TNXB: variants seen among roughly 807,000 people sequenced by gnomAD.
TNXB encodes tenascin XB.
A neutral mutation model predicts 340.5 loss-of-function variants in TNXB; 183 were observed. The observed-to-expected ratio is 0.54, with a 90% CI of 0.48 to 0.61. The LOEUF is 0.61. Among genes scored for constraint, TNXB ranks in the 20% least tolerant of loss-of-function variants. The pLI is 0.00. For synonymous variants in TNXB, 2,121 were observed against 2,314.5 expected, an observed-to-expected ratio of 0.92 and a Z score of 2.40; for missense variants, 4,613 against 5,446.4, an observed-to-expected ratio of 0.85 and a Z score of 4.82.
Position 32,096,557 on chromosome 6 carries a change from C to A in TNXB, c.1296G>T (p.Ser432=). 6.5e-7 allele frequency: 1 copy of A among 1,527,902 alleles called. No homozygotes were observed. The highest frequency in any genetic ancestry group is 8.7e-7 in the Non-Finnish European group (1 of 1,145,422). The allele number at this position is 1,527,902 out of a possible 1,614,324, so 94.6% of individuals were successfully genotyped here. A position where few individuals can be genotyped will look rare whatever the true frequency, so the allele number is the denominator to read the frequency against. The change falls in exon 3 of 44, where the codon TCG becomes TCT. Residue 432 remains serine, a synonymous_variant. Coordinates refer to ENST00000644971, the MANE Select transcript of TNXB (RefSeq NM_001365276.2). ...CTCTACAGTCGCGTGGGCAGGCGCG[C>A]GAGCCGCAATCGGTTCCAGTGTACC... ...WPGYTGTDCG[S]RACPRDCRGR... is the part of the protein sequence containing the mutation.
intron 6 of TNXB, among the ~76,000 whole-genome samples, chr6:32,088,281 C>T (rs990190262): frequency 1.3e-5 from 2 of 152,160 alleles, no homozygotes; most frequent in African/African-American, 4.8e-5. Flanking sequence ...TGAGCTACAG[C>T]GAGGTGGGTG....
rs1444309315 is a variant in TNXB, at chr6:32,067,657, T to G, written c.6544+4A>C. On this transcript the variant is annotated splice_donor_region_variant and intron_variant, in intron 18 of 43. Transcript: ENST00000644971. The surrounding 1 kb of genome is among the most constrained non-coding windows in gnomAD (Gnocchi z 4.2). ...ACCCAGAGGGCTCTGCAGTGCACAC[T>G]CACCCGTGACGCCCACAGCAGACAC... 6.2e-7 allele frequency: 1 copy of G among 1,612,356 alleles called. No individual in the cohort carries two copies. The highest frequency in any genetic ancestry group is 2.2e-5 in the East Asian group (1 of 44,838).
At position 32,042,154 on chromosome 6, in the gene TNXB, G is replaced by C. The variant is rs1776460820; in HGVS notation, c.12327C>G (p.Ser4109Arg). 4 of 665,712 alleles carry C rather than the reference G, an allele frequency of 6.0e-6. No homozygotes were observed. The highest frequency in any genetic ancestry group is 1.0e-5 in the Non-Finnish European group (4 of 391,622). 41.2% of individuals were successfully genotyped at this position (665,712 alleles called of 1,614,324 possible). Residue 4109 changes from serine to arginine, a missense_variant, in exon 42 of 44, where the codon AGC becomes AGG. Physicochemically the swap from Ser to Arg is moderately radical, Grantham distance 110. Coordinates refer to ENST00000644971, the MANE Select transcript of TNXB (RefSeq NM_001365276.2). The part of the protein sequence containing the change: ...EFWLGNEALH[S>R]LTQAGDYSMR... ...TGGAGTAGTCACCTGCCTGTGTCAG[G>C]CTGTGCAGGGCCTCATTGCCTGGGG...
chr6:32,073,184 G>A lies in TNXB; in HGVS notation c.4681+463C>T, dbSNP rs2151920420. On this transcript the variant is annotated intron_variant, in intron 12 of 43. Coordinates refer to ENST00000644971, the MANE Select transcript of TNXB (RefSeq NM_001365276.2). The surrounding 1 kb of genome is among the most constrained non-coding windows in gnomAD (Gnocchi z 4.6). ...CCTGGAGAGATGAAAACTCTCCAGG[G>A]CTGGGATGGAATGCAGTGCAGGCAG... Among the ~76,000 whole-genome samples, 1 of 152,226 alleles carries A rather than the reference G, an allele frequency of 6.6e-6. No individual in the cohort carries two copies. Among genetic ancestry groups the A allele is most frequent in the Non-Finnish European group, 1.5e-5 (1 of 68,010 alleles).
chr6:32,065,617 T>G (rs1778294071), intron 18 of TNXB, among the ~76,000 whole-genome samples: 2 of 152,044 alleles, frequency 1.3e-5, no homozygotes, highest in South Asian at 4.1e-4. Flanking sequence ...TGGAATTTTA[T>G]TATTTATTTA....
Position 32,095,969 on chromosome 6 carries a change from C to A in TNXB, c.1884G>T (p.Arg628Ser), listed in dbSNP as rs1780316560. Reference sequence around the variant, plus strand: ...GGCAGCGCCCTTCCTCACAGCGGCCCCTCCCGTGGCAGTTGGAGGGGCAGG... The same window carrying A: ...GGCAGCGCCCTTCCTCACAGCGGCCACTCCCGTGGCAGTTGGAGGGGCAGG... ...IRTCPSNCHG[R>S]GRCEEGRCLC... is the part of the protein sequence containing the mutation. Residue 628 changes from arginine to serine, a missense_variant, in exon 3 of 44, where the codon AGG becomes AGT. Transcript: ENST00000644971. The A allele has an allele frequency of 1.2e-5, 20 of 1,613,150 alleles. No individual in the cohort carries two copies. Among genetic ancestry groups the A allele is most frequent in the Non-Finnish European group, 1.7e-5 (20 of 1,179,774 alleles).
chr6:32,073,729 C>T lies in TNXB; in HGVS notation c.4599G>A (p.Glu1533=), dbSNP rs1778909449. The T allele has an allele frequency of 3.1e-6, 5 of 1,612,232 alleles. 1 individual carries two copies. The East Asian group carries it at 6.7e-5, about 22-fold the overall frequency. Residue 1533 remains glutamate, a synonymous_variant, in exon 12 of 44, where the codon GAG becomes GAA. Transcript: ENST00000644971. The surrounding 1 kb of genome is among the most constrained non-coding windows in gnomAD (Gnocchi z 4.6). ...DQREVTVYNL[E]PERKYKMNMY... is the part of the protein sequence containing the mutation. The stretch of plus-strand genomic sequence containing the variant: ...TGTTCATCTTATATTTTCTCTCAGG[C>T]TCCAGGTTGTAGACTGTGACCTCTC...
rs1562802791 is a variant in TNXB, at chr6:32,055,956, C to T, written c.8362G>A (p.Glu2788Lys). 7 of 1,613,512 alleles carry T rather than the reference C, an allele frequency of 4.3e-6. No individual in the cohort carries two copies. The highest frequency in any genetic ancestry group is 4.2e-6 in the Non-Finnish European group (5 of 1,179,878). ...QVMRVRGEES[E>K]VTVGGLEPGR... Reference sequence around the variant, plus strand: ...GGCTCCAGGCCCCCCACGGTGACCTCGCTCTCCTCGCCCCTGACACGCATC... The same window carrying T: ...GGCTCCAGGCCCCCCACGGTGACCTTGCTCTCCTCGCCCCTGACACGCATC... The change falls in exon 24 of 44, where the codon GAG becomes AAG. Residue 2788 changes from glutamate (E) to lysine (K), a missense_variant. Coordinates refer to ENST00000644971, the MANE Select transcript of TNXB (RefSeq NM_001365276.2).
rs918138521 is a variant in TNXB at position 32,058,974 on chromosome 6, C to T, written c.7493-584G>A. ...GCAACTTTAAAACACGCTCTGCATG[C>T]AAAATACAGGAAGGGAATGTGCACT... On this transcript the variant is annotated intron_variant, in intron 21 of 43. Coordinates refer to ENST00000644971, the MANE Select transcript of TNXB (RefSeq NM_001365276.2). The surrounding 1 kb of genome is among the most constrained non-coding windows in gnomAD (Gnocchi z 5.1). 3.3e-5 allele frequency among the ~76,000 whole-genome samples: 5 copies of T among 151,896 alleles called. No homozygotes were observed. Among genetic ancestry groups the T allele is most frequent in the African/African-American group, 1.2e-4 (5 of 41,156 alleles).
At position 32,047,727 on chromosome 6, in the gene TNXB, G is replaced by A. The variant is rs769620271; in HGVS notation, c.10324+7C>T. 4 of 1,587,072 alleles carry A rather than the reference G, an allele frequency of 2.5e-6. No individual in the cohort carries two copies. Among genetic ancestry groups the A allele is most frequent in the African/African-American group, 2.7e-5 (2 of 74,476 alleles). On this transcript the variant is annotated splice_region_variant and intron_variant, in intron 30 of 43. Coordinates refer to ENST00000644971, the MANE Select transcript of TNXB (RefSeq NM_001365276.2). This position sits in a 1 kb window ranked among gnomAD's most constrained non-coding sequence, Gnocchi z 6.2. ...CTGGAAAAGGTGGAGGCTGGACTGGGACTCACCTGTGGTGCTGTCAGCAGA... is the reference window on the plus strand; with the variant it reads ...CTGGAAAAGGTGGAGGCTGGACTGGAACTCACCTGTGGTGCTGTCAGCAGA...
chr6:32,058,286 A>G lies in TNXB; in HGVS notation c.7597T>C (p.Ser2533Pro). 1 of 1,612,202 alleles carries G rather than the reference A, an allele frequency of 6.2e-7. No homozygotes were observed. Among genetic ancestry groups the G allele is most frequent in the Non-Finnish European group, 8.5e-7 (1 of 1,179,810 alleles). ...PLLGELTVTG[S>P]SPDSLSLSWT... is the part of the protein sequence containing the mutation. ...GAAAGGCTCAGCGAGTCAGGGGAGG[A>G]TCCTGTCACTGTCAGCTCCCCCAGG... The change falls in exon 22 of 44, where the codon TCC (serine) becomes CCC (proline). Residue 2533 changes from serine to proline, a missense_variant. Physicochemically the swap from Ser to Pro is moderately conservative, Grantham distance 74. Coordinates refer to ENST00000644971, the MANE Select transcript of TNXB (RefSeq NM_001365276.2). The surrounding 1 kb of genome is among the most constrained non-coding windows in gnomAD (Gnocchi z 5.1).
chr6:32,077,899 T>C (rs1779168916), intron 11 of TNXB, among the ~76,000 whole-genome samples: 2 of 151,696 alleles, frequency 1.3e-5, no homozygotes, highest in Admixed American at 1.3e-4. Flanking sequence ...TGGTGGTGCA[T>C]GCCTGTAATC....
rs769518600 is a variant in TNXB, at chr6:32,047,982, C to T, written c.10076G>A (p.Gly3359Glu). ...APDTKPSPRL[G>E]ELTVTDATPD... is the part of the protein sequence containing the mutation. ...GGTCGCATCTGTCACAGTCAGCTCC[C>T]CCAGGCGGGGAGACGGTTTGGTGTC... The change falls in exon 30 of 44, where the codon GGG (glycine) becomes GAG (glutamate). Residue 3359 changes from glycine (G) to glutamate (E), a missense_variant. Physicochemically the swap from Gly to Glu is moderately conservative, Grantham distance 98. This residue lies in a region of TNXB where 4,327 missense variants were observed against 4,859.4 expected (regional missense o/e 0.89). Coordinates refer to ENST00000644971, the MANE Select transcript of TNXB (RefSeq NM_001365276.2). The surrounding 1 kb of genome is among the most constrained non-coding windows in gnomAD (Gnocchi z 6.2). The T allele has an allele frequency of 1.2e-6, 2 of 1,609,784 alleles. No individual in the cohort carries two copies. The highest frequency in any genetic ancestry group is 1.7e-6 in the Non-Finnish European group (2 of 1,178,416).
At chr6:32,086,446 T>C (rs2127266603) in intron 6 of TNXB, among the ~76,000 whole-genome samples, 1 of 152,056 alleles carries the variant, frequency 6.6e-6, no homozygotes, top group South Asian at 2.1e-4. Context: ...CACTGGGTGG[T>C]GGTCAGGTGG....
chr6:32,093,416 G>C (rs1196435800), intron 4 of TNXB: 1 of 702,160 alleles, frequency 1.4e-6, no homozygotes, highest in Non-Finnish European at 2.6e-6. Context: ...TTCTGCTTTG[G>C]CTGGAGAGTG....
rs1308059877 is a variant in TNXB, at chr6:32,041,578, G to A, written c.12634-128C>T. On this transcript the variant is annotated intron_variant, in intron 43 of 43. Coordinates refer to ENST00000644971, the MANE Select transcript of TNXB (RefSeq NM_001365276.2). ...AGAGCTCCCTTCCTGACCCTCCGCT[G>A]CAGAGGATTGAGGCTTAATTCTGAG... 3.8e-5 allele frequency: 40 copies of A among 1,057,844 alleles called. 1 individual carries two copies. In the East Asian group the frequency reaches 1.0e-3, roughly 27 times the overall value. The allele number at this position is 1,057,844 out of a possible 1,614,324, so 65.5% of individuals were successfully genotyped here. A position where few individuals can be genotyped will look rare whatever the true frequency, so the allele number is the denominator to read the frequency against.
chr6:32,043,798 C>G lies in TNXB; in HGVS notation c.11481G>C (p.Ser3827=), dbSNP rs773701143. 2 of 1,613,490 alleles carry G rather than the reference C, an allele frequency of 1.2e-6. No individual in the cohort carries two copies. The highest frequency in any genetic ancestry group is 1.6e-4 in the Middle Eastern group (1 of 6,062). The change falls in exon 35 of 44, where the codon TCG becomes TCC. Residue 3827 remains serine (S), a synonymous_variant. Coordinates refer to ENST00000644971, the MANE Select transcript of TNXB (RefSeq NM_001365276.2). ...GCTCACTCTCCTCAAAGCCTCGGACCGAGACCACGGTCACCTCATAGCGAG... is the reference window on the plus strand; with the variant it reads ...GCTCACTCTCCTCAAAGCCTCGGACGGAGACCACGGTCACCTCATAGCGAG... ...PGARYEVTVV[S]VRGFEESEPL...
rs1477583601 is a variant in TNXB, at chr6:32,090,431, C to T, written c.2359-1052G>A. Among the ~76,000 whole-genome samples the T allele has an allele frequency of 3.7e-4, 57 of 152,224 alleles. No homozygotes were observed. Among genetic ancestry groups the T allele is most frequent in the Non-Finnish European group, 2.9e-5 (2 of 68,040 alleles). ...TGGGGAAACAGGAGGAACTGTACAT[C>T]TGTGAGCATTCTAACAGCCCCACAT... On this transcript the variant is annotated intron_variant, in intron 4 of 43. Transcript: ENST00000644971. This position sits in a 1 kb window ranked among gnomAD's most constrained non-coding sequence, Gnocchi z 4.3.
chr6:32,058,165 C>T lies in TNXB; in HGVS notation c.7718G>A (p.Ser2573Asn), dbSNP rs530097220. 2.6e-5 allele frequency: 42 copies of T among 1,612,592 alleles called. No individual in the cohort carries two copies. In the African/African-American group the frequency reaches 5.6e-4, roughly 22 times the overall value. ...PQAVRVGGQE[S>N]KVTVRGLEPG... Reference sequence around the variant, plus strand: ...CTCCAGGCCCCTCACAGTGACCTTGCTCTCCTGGCCCCCAACACGCACCGC... The same window carrying T: ...CTCCAGGCCCCTCACAGTGACCTTGTTCTCCTGGCCCCCAACACGCACCGC... The change falls in exon 22 of 44, where the codon AGC (serine) becomes AAC (asparagine). Residue 2573 changes from serine to asparagine, a missense_variant. Ser to Asn is a conservative substitution (Grantham distance 46). This residue lies in a region of TNXB where 4,327 missense variants were observed against 4,859.4 expected (regional missense o/e 0.89). Transcript: ENST00000644971. The surrounding 1 kb of genome is among the most constrained non-coding windows in gnomAD (Gnocchi z 5.1).
Sources: gnomAD v4.1 joint callset for allele counts (sites outside exome capture counted in the v4.1 genomes callset) on GRCh38, gnomAD v4.1.1 for gene constraint, gnomAD v4.1.1 regional missense constraint, Gnocchi (gnomAD v3.1) non-coding constraint, MANE v1.5 for transcripts, NCBI Gene and HGNC (gene_info 2026-07-23, HGNC 2026-07-21) for gene names.